SF3B1: variants seen among roughly 807,000 people sequenced by gnomAD.
The protein encoded by SF3B1 is splicing factor 3b subunit 1.
Under a neutral mutation model 153.8 loss-of-function variants are expected in SF3B1, and 12 were observed. The observed-to-expected ratio is 0.08, with a 90% CI of 0.05 to 0.13. The LOEUF is 0.13. Ranked by LOEUF, SF3B1 falls within the 10% of genes least tolerant of loss-of-function variation. The pLI, the probability that SF3B1 is intolerant of heterozygous loss-of-function variation, is 1.00. For synonymous variants in SF3B1, 498 were observed against 525.2 expected, an observed-to-expected ratio of 0.95 and a Z score of 0.71; for missense variants, 513 against 1,606.1, an observed-to-expected ratio of 0.32 and a Z score of 11.63.
At chr2:197,424,012 T>C (rs755736777) in intron 1 of SF3B1, 38 bp from the exon 2 acceptor site, 2 of 1,554,986 alleles carry the variant, frequency 1.3e-6, no homozygotes, top group Non-Finnish European at 1.7e-6. Flanking sequence ...AATTTCACTT[T>C]CCAAAAGAAC....
At chr2:197,424,077 C>A in intron 1 of SF3B1, 103 bp from the exon 2 acceptor site, 1 of 965,002 alleles carries the variant, frequency 1.0e-6, no homozygotes, top group Admixed American at 2.8e-5. Context: ...CTCTTAAATA[C>A]AGAAAATGTA....
chr2:197,418,263 A>AAAAAAAAAAAAAAAAAC (rs2085186031), intron 5 of SF3B1, among the ~76,000 whole-genome samples: 1 of 143,198 alleles, frequency 7.0e-6, no homozygotes, highest in East Asian at 2.1e-4. Context: ...AAAAAAAAAA[A>AAAAAAAAAAAAAAAAAC]ATCCCTTGTG....
At chr2:197,424,727 T>C (rs2085305034) in intron 1 of SF3B1, among the ~76,000 whole-genome samples, 1 of 152,242 alleles carries the variant, frequency 6.6e-6, no homozygotes, top group African/African-American at 2.4e-5. Flanking sequence ...TAATGTTTTG[T>C]TTTAATAATC....
At chr2:197,422,119 C>A (rs1020805469) in intron 2 of SF3B1, among the ~76,000 whole-genome samples, 1 of 152,062 alleles carries the variant, frequency 6.6e-6, no homozygotes, top group Non-Finnish European at 1.5e-5. Flanking sequence ...TGACAATTTC[C>A]CCCTCAGCTT....
chr2:197,390,635 GTC>G lies in SF3B1; in HGVS notation c.*1666_*1667del, dbSNP rs1282904887. The G allele has an allele frequency of 2.7e-5, 4 of 147,414 alleles. No individual in the cohort carries two copies. The highest frequency in any genetic ancestry group is 5.0e-5 in the African/African-American group (2 of 39,680). The allele number at this position is 147,414 out of a possible 1,614,324, so 9.1% of individuals were successfully genotyped here. A position where few individuals can be genotyped will look rare whatever the true frequency, so the allele number is the denominator to read the frequency against. ...ATTTTTTTTTTTTTTTTGAGACGGA[GTC>G]TCTGTCGCCCAGGCTGGAGTGTAGC... On this transcript the variant is annotated 3_prime_UTR_variant, in exon 25 of 25. Coordinates refer to ENST00000335508, the MANE Select transcript of SF3B1 (RefSeq NM_012433.4).
chr2:197,392,837 T>G, intron 24 of SF3B1, 135 bp downstream of exon 24: 1 of 625,462 alleles, frequency 1.6e-6, no homozygotes, highest in South Asian at 2.0e-5. Flanking sequence ...GATGACAGGT[T>G]GATAGGTGCA....
At chr2:197,431,101 CTTCTTT>C (rs1367602013) in intron 1 of SF3B1, among the ~76,000 whole-genome samples, 132 of 121,494 alleles carry the variant, frequency 1.1e-3, no homozygotes, top group African/African-American at 4.1e-3. Flanking sequence ...TGTGCCTTTT[CTTCTTT>C]TTTTTTTTTT....
chr2:197,434,899 C>T (rs921073593), intron 1 of SF3B1, 73 bp downstream of exon 1: 32 of 1,504,246 alleles, frequency 2.1e-5, no homozygotes, highest in Non-Finnish European at 2.6e-5. Flanking sequence ...TAGAAAAAGG[C>T]AGAATCCTAG....
Position 197,392,287 on chromosome 2 carries a change from A to G in SF3B1, c.*16T>C, listed in dbSNP as rs1411463365. On this transcript the variant is annotated 3_prime_UTR_variant, in exon 25 of 25. Transcript: ENST00000335508. ...TGTGAAGTAGCTGTGCATTAAACAC[A>G]AAATAAACAATAAAATTATAAGATA... is the stretch of plus-strand genomic sequence containing the variant. 8 of 1,047,342 alleles carry G rather than the reference A, an allele frequency of 7.6e-6. No homozygotes were observed. Among genetic ancestry groups the G allele is most frequent in the Non-Finnish European group, 1.2e-5 (8 of 678,350 alleles). The allele number at this position is 1,047,342 out of a possible 1,614,324, so 64.9% of individuals were successfully genotyped here.
At chr2:197,431,158 G>A (rs1409934134) in intron 1 of SF3B1, among the ~76,000 whole-genome samples, 1 of 134,428 alleles carries the variant, frequency 7.4e-6, no homozygotes, top group Admixed American at 8.8e-5. Context: ...AGTCGCCCAG[G>A]CTGGAGTGCA....
At chr2:197,413,849 A>AGCTGTGTC (rs1474921302) in intron 6 of SF3B1, among the ~76,000 whole-genome samples, 5 of 151,554 alleles carry the variant, frequency 3.3e-5, no homozygotes, top group Admixed American at 1.3e-4. Context: ...GCTGTGTCGC[A>AGCTGTGTC]AGACTGAAGT....
chr2:197,401,556 C>T lies in SF3B1; in HGVS notation c.2371-31G>A. On this transcript the variant is annotated intron_variant, in intron 16 of 24. Transcript: ENST00000335508. The surrounding 1 kb of genome is among the most constrained non-coding windows in gnomAD (Gnocchi z 4.2). ...AGGTTAAGAAATAGTAATAATAAAT[C>T]AACTGACCTGAAATGAAGAGAATAC... is the stretch of plus-strand genomic sequence containing the variant. The T allele has an allele frequency of 3.8e-6, 6 of 1,595,968 alleles. No homozygotes were observed. The highest frequency in any genetic ancestry group is 5.1e-6 in the Non-Finnish European group (6 of 1,169,434).
At position 197,400,477 on chromosome 2, in the gene SF3B1, T is replaced by C. The variant is rs907954721; in HGVS notation, c.2719-43A>G. 4.0e-6 allele frequency: 6 copies of C among 1,511,228 alleles called. No individual in the cohort carries two copies. Among genetic ancestry groups the C allele is most frequent in the Non-Finnish European group, 4.5e-6 (5 of 1,112,588 alleles). 93.6% of individuals were successfully genotyped at this position (1,511,228 alleles called of 1,614,324 possible). On this transcript the variant is annotated intron_variant, in intron 18 of 24. Coordinates refer to ENST00000335508, the MANE Select transcript of SF3B1 (RefSeq NM_012433.4). The surrounding 1 kb of genome is among the most constrained non-coding windows in gnomAD (Gnocchi z 5.0). ...AAAAAAGACATATTCATTTGGTTTATGACTGCACAGTTGAAATACACTAAG... is the reference window on the plus strand; with the variant it reads ...AAAAAAGACATATTCATTTGGTTTACGACTGCACAGTTGAAATACACTAAG...
intron 23 of SF3B1, 165 bp from the exon 24 acceptor site, chr2:197,393,353 TA>T: frequency 3.2e-6 from 2 of 617,318 alleles, no homozygotes; most frequent in Non-Finnish European, 5.9e-6. Flanking sequence ...TAACATTTCA[TA>T]TATCTAATAT....
Position 197,400,200 on chromosome 2 carries a change from A to G in SF3B1, c.2902-34T>C, listed in dbSNP as rs1405177311. 1.2e-6 allele frequency: 2 copies of G among 1,607,390 alleles called. No individual in the cohort carries two copies. Among genetic ancestry groups the G allele is most frequent in the African/African-American group, 2.7e-5 (2 of 74,746 alleles). ...AAACAAATAATGTTAAAATGTTACT[A>G]TTTACATTAAACTATTTGGGGAAGA... is the stretch of plus-strand genomic sequence containing the variant. On this transcript the variant is annotated intron_variant, in intron 19 of 24. Coordinates refer to ENST00000335508, the MANE Select transcript of SF3B1 (RefSeq NM_012433.4). The surrounding 1 kb of genome is among the most constrained non-coding windows in gnomAD (Gnocchi z 5.0).
intron 4 of SF3B1, 40 bp downstream of exon 4, chr2:197,420,388 T>G: frequency 6.8e-7 from 1 of 1,472,476 alleles, no homozygotes; most frequent in Non-Finnish European, 9.5e-7. Flanking sequence ...TTAATACAAA[T>G]AAATTTCTGA....
chr2:197,394,501 T>C (rs1401193294), intron 23 of SF3B1, among the ~76,000 whole-genome samples: 1 of 152,250 alleles, frequency 6.6e-6, no homozygotes, highest in East Asian at 1.9e-4. Flanking sequence ...TATCATCTCC[T>C]ATGTTAACTG....
chr2:197,418,608 C>T lies in SF3B1; in HGVS notation c.416-20G>A, dbSNP rs1162662994. The T allele has an allele frequency of 4.4e-6, 7 of 1,602,180 alleles. No homozygotes were observed. Among genetic ancestry groups the T allele is most frequent in the African/African-American group, 1.3e-5 (1 of 74,294 alleles). On this transcript the variant is annotated intron_variant, in intron 4 of 24. Coordinates refer to ENST00000335508, the MANE Select transcript of SF3B1 (RefSeq NM_012433.4). ...TCCCTCCTGCAGAAAAGAACAGCAA[C>T]AGGAAAAAGAGTACAATAAATAAAA...
chr2:197,407,983 A>C lies in SF3B1; in HGVS notation c.1239+15T>G. 1 of 1,607,838 alleles carries C rather than the reference A, an allele frequency of 6.2e-7. No homozygotes were observed. On this transcript the variant is annotated intron_variant, in intron 9 of 24. Coordinates refer to ENST00000335508, the MANE Select transcript of SF3B1 (RefSeq NM_012433.4). ...TATATCCTAAATACCACCTCATTCAAATTTGATGTACTACCTTATATCCTT... is the reference window on the plus strand; with the variant it reads ...TATATCCTAAATACCACCTCATTCACATTTGATGTACTACCTTATATCCTT...
Sources: gnomAD v4.1 joint callset for allele counts (sites outside exome capture counted in the v4.1 genomes callset) on GRCh38, gnomAD v4.1.1 for gene constraint, Gnocchi (gnomAD v3.1) non-coding constraint, MANE v1.5 for transcripts, NCBI Gene and HGNC (gene_info 2026-07-23, HGNC 2026-07-21) for gene names.